The following COL27A1 variants were observed in gnomAD, a reference collection of about 807,000 sequenced individuals.
COL27A1 encodes the protein collagen alpha-1(XXVII) chain.
A neutral mutation model predicts 251.3 loss-of-function variants in COL27A1; 106 were observed. The observed-to-expected ratio is 0.42, with a 90% confidence interval of 0.36 to 0.50. The LOEUF (loss-of-function observed/expected upper bound fraction) is 0.50. Ranked by LOEUF, COL27A1 falls within the 20% of genes least tolerant of loss-of-function variation. The probability of loss-of-function intolerance (pLI) is 0.00; values close to 1 mark genes in which losing one functional copy is unlikely to be tolerated. For synonymous variants in COL27A1, 1,000 were observed against 986.3 expected (o/e 1.01, Z -0.26); for missense variants, 2,325 against 2,522.8 (o/e 0.92, Z 1.68).
In COL27A1 at chr9:114,211,043, T is replaced by C. The variant is rs1349327410; in HGVS notation, c.2367+17T>C. 1 of 1,613,868 alleles carries C rather than the reference T, an allele frequency of 6.2e-7. No individual in the cohort carries two copies. The highest frequency in any genetic ancestry group is 8.5e-7 in the Non-Finnish European group (1 of 1,179,824). ...GGTATGCCGGTAAAGATTTTCCGTG[T>C]CTATTACGCAGACTCTAGCGGGGAA... is the stretch of plus-strand genomic sequence containing the variant. On this transcript the variant is annotated intron_variant, in intron 12 of 60. Coordinates refer to ENST00000356083, the MANE Select transcript of COL27A1 (RefSeq NM_032888.4).
intron 36 of COL27A1, chr9:114,273,881 G>A (rs537891256): frequency 6.6e-6 from 1 of 152,392 alleles, no homozygotes; most frequent in African/African-American, 2.4e-5. Context: ...CTCTCTCAGA[G>A]TACGCAAAGA....
At chr9:114,246,034 G>A in intron 24 of COL27A1, 124 bp downstream of exon 24, 1 of 801,384 alleles carries the variant, frequency 1.2e-6, no homozygotes, top group Non-Finnish European at 2.1e-6. Context: ...TCCAGAGGTA[G>A]GTTCAGTCCT....
intron 10 of COL27A1, among the ~76,000 whole-genome samples, chr9:114,207,532 G>A (rs778068134): frequency 1.3e-5 from 2 of 152,212 alleles, no homozygotes; most frequent in African/African-American, 2.4e-5. Flanking sequence ...GGGGTTGCTC[G>A]ACTTGCCTGC....
chr9:114,282,680 A>AT, intron 39 of COL27A1, 116 bp downstream of exon 39: 1 of 656,558 alleles, frequency 1.5e-6, no homozygotes, highest in South Asian at 2.2e-5. Flanking sequence ...CTATTAGCTG[A>AT]ACACCTGGTG....
At chr9:114,257,408 A>G (rs56965875) in intron 27 of COL27A1, among the ~76,000 whole-genome samples, 5,515 of 151,994 alleles carry the variant, frequency 0.036, 318 homozygotes, top group African/African-American at 0.13. Context: ...CCTGCTTCCC[A>G]TCTTCTCCTG....
rs747181763 is a variant in COL27A1 at position 114,242,210 on chromosome 9, G to A, written c.2859G>A (p.Pro953=). The change falls in exon 22 of 61, where the codon CCG becomes CCA. Residue 953 remains proline, a synonymous_variant. Transcript: ENST00000356083. ...GPEGDEGPMG[P]PGAPGLEGQP... ...AGGGAGATGAGGGACCCATGGGGCC[G>A]CCAGGGGCCCCTGGCTTGGAGGTGA... 1.2e-5 allele frequency: 20 copies of A among 1,608,090 alleles called. No homozygotes were observed. The highest frequency in any genetic ancestry group is 6.7e-5 in the East Asian group (3 of 44,560).
At chr9:114,165,110 A>C (rs1848738269) in intron 2 of COL27A1, among the ~76,000 whole-genome samples, 1 of 152,230 alleles carries the variant, frequency 6.6e-6, no homozygotes, top group South Asian at 2.1e-4. Flanking sequence ...CCTCCTAACA[A>C]CCCTATGGTG....
At chr9:114,272,908 A>C (rs1200580626) in intron 36 of COL27A1, 2 of 151,540 alleles carry the variant, frequency 1.3e-5, no homozygotes, top group Admixed American at 6.6e-5. Flanking sequence ...GCACTGACTC[A>C]CTCGGTGGTA....
chr9:114,246,577 C>T (rs1413123488), intron 24 of COL27A1, among the ~76,000 whole-genome samples: 1 of 152,220 alleles, frequency 6.6e-6, no homozygotes. Context: ...TCATCTCCTC[C>T]ACTCCTTTAA....
intron 37 of COL27A1, among the ~76,000 whole-genome samples, chr9:114,276,297 C>T (rs1835502692): frequency 6.6e-6 from 1 of 152,178 alleles, no homozygotes; most frequent in Non-Finnish European, 1.5e-5. Context: ...CTTTTCTGGC[C>T]TTCATTTACG....
intron 3 of COL27A1, among the ~76,000 whole-genome samples, chr9:114,170,246 G>T (rs1193209449): frequency 6.6e-6 from 1 of 152,230 alleles, no homozygotes; most frequent in East Asian, 1.9e-4. Context: ...GCGTGGGCCA[G>T]AAGGAAGAGG....
intron 60 of COL27A1, 82 bp from the exon 61 acceptor site, chr9:114,310,467 G>C: frequency 6.6e-7 from 1 of 1,505,814 alleles, no homozygotes; most frequent in East Asian, 2.3e-5. Flanking sequence ...AAAATTGTGA[G>C]GAAAGATGGA....
Position 114,264,921 on chromosome 9 carries a change from C to T in COL27A1, c.3250-3C>T, listed in dbSNP as rs1333350827. On this transcript the variant is annotated splice_region_variant and splice_polypyrimidine_tract_variant and intron_variant, in intron 29 of 60. Transcript: ENST00000356083. Reference sequence around the variant, plus strand: ...CCACCTTCACGTGCTCTGCTTCCCACAGGGCCCTCCAGGACCCCAGGGCAG... The same window carrying T: ...CCACCTTCACGTGCTCTGCTTCCCATAGGGCCCTCCAGGACCCCAGGGCAG... 6.2e-7 allele frequency: 1 copy of T among 1,611,924 alleles called. No individual in the cohort carries two copies. The highest frequency in any genetic ancestry group is 8.5e-7 in the Non-Finnish European group (1 of 1,178,588).
At chr9:114,288,640 G>A (rs893845527) in intron 42 of COL27A1, 62 bp from the exon 43 acceptor site, 3 of 1,578,394 alleles carry the variant, frequency 1.9e-6, no homozygotes, top group South Asian at 2.3e-5. Flanking sequence ...GGCCAACAGG[G>A]CCCAGGGCTG....
At position 114,245,858 on chromosome 9, in the gene COL27A1, C is replaced by T. The variant is rs1175513952; in HGVS notation, c.2935-8C>T. The T allele has an allele frequency of 1.9e-6, 3 of 1,613,382 alleles. No individual in the cohort carries two copies. The highest frequency in any genetic ancestry group is 1.1e-5 in the South Asian group (1 of 90,952). On this transcript the variant is annotated splice_polypyrimidine_tract_variant and splice_region_variant and intron_variant, in intron 23 of 60. Coordinates refer to ENST00000356083, the MANE Select transcript of COL27A1 (RefSeq NM_032888.4). ...TCCCAATCCATCCTCCTCTTTGTCT[C>T]TTTGCAGGGGGAACCAGGGGATCCT...
intron 17 of COL27A1, among the ~76,000 whole-genome samples, chr9:114,236,155 C>G (rs1303694752): frequency 3.3e-5 from 5 of 152,174 alleles, no homozygotes; most frequent in Non-Finnish European, 7.3e-5. Flanking sequence ...CCTCTCCACA[C>G]CACCCTGCTC....
chr9:114,204,127 G>C (rs1437100206), intron 7 of COL27A1, among the ~76,000 whole-genome samples: 1 of 152,098 alleles, frequency 6.6e-6, no homozygotes, highest in Non-Finnish European at 1.5e-5. Context: ...TCAAATTCTA[G>C]GGTTCTAAAA....
intron 7 of COL27A1, among the ~76,000 whole-genome samples, chr9:114,197,987 T>G (rs1426287673): frequency 6.6e-6 from 1 of 152,210 alleles, no homozygotes. Context: ...TTGTAGATGG[T>G]CTTTCCTATC....
chr9:114,197,115 A>G (rs1157684483), intron 7 of COL27A1, among the ~76,000 whole-genome samples: 1 of 152,218 alleles, frequency 6.6e-6, no homozygotes, highest in Non-Finnish European at 1.5e-5. Context: ...GCTTTTTCCA[A>G]GAAAATCCCC....
Sources: gnomAD v4.1 joint callset for allele counts (sites outside exome capture counted in the v4.1 genomes callset) on GRCh38, gnomAD v4.1.1 for gene constraint, MANE v1.5 for transcripts, NCBI Gene and HGNC (gene_info 2026-07-23, HGNC 2026-07-21) for gene names.